STIM2: variants seen among roughly 807,000 people sequenced by gnomAD.
STIM2 encodes stromal interaction molecule 2.
A neutral mutation model predicts 85.8 loss-of-function variants in STIM2; 31 were observed. The ratio of observed to expected loss-of-function variants is 0.36; its 90% CI spans 0.27 to 0.49. The LOEUF (loss-of-function observed/expected upper bound fraction) is 0.49. STIM2 is among the 20% of genes least tolerant of loss of function. The pLI is 0.98. For synonymous variants in STIM2, 356 were observed against 331.1 expected, an observed-to-expected ratio of 1.08 and a Z score of -0.82; for missense variants, 841 against 927.6, an observed-to-expected ratio of 0.91 and a Z score of 1.21.
At chr4:26,976,614 C>T (rs1400054392) in intron 3 of STIM2, among the ~76,000 whole-genome samples, 1 of 151,898 alleles carries the variant, frequency 6.6e-6, no homozygotes, top group East Asian at 1.9e-4. Flanking sequence ...TTGAGACCAG[C>T]CTGGCCAACA....
chr4:27,000,100 A>G (rs1277637657), intron 5 of STIM2, among the ~76,000 whole-genome samples: 1 of 152,020 alleles, frequency 6.6e-6, no homozygotes, highest in Admixed American at 6.6e-5. Context: ...TACAAGAAAA[A>G]TGCCTTCCAC....
chr4:26,904,344 T>G (rs1724043946), intron 1 of STIM2, among the ~76,000 whole-genome samples: 1 of 152,132 alleles, frequency 6.6e-6, no homozygotes. Flanking sequence ...ATGTATATAC[T>G]CATGAAGCCA....
chr4:27,023,320 C>G lies in STIM2; in HGVS notation c.*324C>G, dbSNP rs1009693348. ...TTTGTTGAAAGCCACGATGGACTTACAAGCTTTAATGGACTCGTAAGCCAG... is the reference window on the plus strand; with the variant it reads ...TTTGTTGAAAGCCACGATGGACTTAGAAGCTTTAATGGACTCGTAAGCCAG... On this transcript the variant is annotated 3_prime_UTR_variant, in exon 12 of 12. Transcript: ENST00000467087. 3.8e-5 allele frequency: 10 copies of G among 264,456 alleles called. No individual in the cohort carries two copies. The highest frequency in any genetic ancestry group is 3.4e-4 in the Admixed American group (7 of 20,498). The allele number at this position is 264,456 out of a possible 1,614,324, so 16.4% of individuals were successfully genotyped here.
chr4:26,911,275 TAAA>T (rs546631682), intron 1 of STIM2, among the ~76,000 whole-genome samples: 4 of 151,538 alleles, frequency 2.6e-5, no homozygotes, highest in Admixed American at 2.0e-4. Context: ...TGAAATAAAA[TAAA>T]AAAAATGAAA....
chr4:27,006,459 G>A (rs547749352), intron 7 of STIM2, among the ~76,000 whole-genome samples: 11 of 152,244 alleles, frequency 7.2e-5, no homozygotes, highest in African/African-American at 2.4e-4. Flanking sequence ...GGTGGTGCTC[G>A]ACACGCAGGA....
intron 1 of STIM2, among the ~76,000 whole-genome samples, chr4:26,902,388 A>G (rs1460226861): frequency 6.6e-6 from 1 of 152,182 alleles, no homozygotes; most frequent in Non-Finnish European, 1.5e-5. Flanking sequence ...ATTACCTTCA[A>G]ATTACTGATC....
intron 3 of STIM2, among the ~76,000 whole-genome samples, chr4:26,979,235 A>G (rs2109111939): frequency 6.6e-6 from 1 of 152,302 alleles, no homozygotes; most frequent in East Asian, 1.9e-4. Flanking sequence ...AAGATGAAAC[A>G]TAGGTATTTT....
intron 1 of STIM2, among the ~76,000 whole-genome samples, chr4:26,890,253 G>A (rs1723413842): frequency 6.6e-6 from 1 of 152,148 alleles, no homozygotes. Context: ...TCATAGGTGT[G>A]GGCTGGGAGA....
chr4:27,007,865 T>A, intron 8 of STIM2, 165 bp downstream of exon 8: 1 of 770,452 alleles, frequency 1.3e-6, no homozygotes, highest in South Asian at 1.8e-5. Context: ...TCATAAGCTT[T>A]AAATTAAAAT....
In STIM2 at chr4:27,008,839, C is replaced by T; in HGVS notation, c.1326C>T (p.Gly442=). Reference sequence around the variant, plus strand: ...GGCAACAAATTGAGAAGATCTGTGGCTTTCAGATAGCCCATAACTCAGGAC... The same window carrying T: ...GGCAACAAATTGAGAAGATCTGTGGTTTTCAGATAGCCCATAACTCAGGAC... Residue 442 remains glycine, a synonymous_variant, in exon 10 of 12, where the codon GGC becomes GGT. Transcript: ENST00000467087. The T allele has an allele frequency of 3.1e-6, 5 of 1,614,120 alleles. No homozygotes were observed. Among genetic ancestry groups the T allele is most frequent in the African/African-American group, 1.3e-5 (1 of 75,024 alleles).
chr4:27,020,264 A>G (rs1013048704), intron 11 of STIM2, among the ~76,000 whole-genome samples: 13 of 152,240 alleles, frequency 8.5e-5, no homozygotes, highest in Non-Finnish European at 1.6e-4. Context: ...TAAAATTATA[A>G]CTGAATCAGC....
In STIM2 at chr4:26,861,246, G is replaced by A; in HGVS notation, c.28G>A (p.Gly10Arg). 2 of 1,487,366 alleles carry A rather than the reference G, an allele frequency of 1.3e-6. No homozygotes were observed. Among genetic ancestry groups the A allele is most frequent in the Non-Finnish European group, 1.8e-6 (2 of 1,125,574 alleles). The allele number at this position is 1,487,366 out of a possible 1,614,324, so 92.1% of individuals were successfully genotyped here. A position where few individuals can be genotyped will look rare whatever the true frequency, so the allele number is the denominator to read the frequency against. Residue 10 changes from glycine to arginine, a missense_variant, in exon 1 of 12, where the codon GGA becomes AGA. Transcript: ENST00000467087. Reference sequence around the variant, plus strand: ...GCTGGTGCTCGGGCTGCTGGTAGCCGGAGCGGCGGACGGATGCGAGCTTGT... The same window carrying A: ...GCTGGTGCTCGGGCTGCTGGTAGCCAGAGCGGCGGACGGATGCGAGCTTGT...
intron 3 of STIM2, 54 bp from the exon 4 acceptor site, chr4:26,995,325 T>C (rs1727915120): frequency 5.6e-6 from 5 of 895,346 alleles, no homozygotes; most frequent in Non-Finnish European, 8.4e-6. Context: ...ATAGAATATG[T>C]ATTTCTGAAA....
chr4:26,861,298 C>T lies in STIM2; in HGVS notation c.80C>T (p.Ala27Val). 1 of 1,444,922 alleles carries T rather than the reference C, an allele frequency of 6.9e-7. No individual in the cohort carries two copies. The highest frequency in any genetic ancestry group is 2.6e-5 in the Admixed American group (1 of 39,046). The allele number at this position is 1,444,922 out of a possible 1,614,324, so 89.5% of individuals were successfully genotyped here. Residue 27 changes from alanine to valine, a missense_variant, in exon 1 of 12, where the codon GCG (alanine) becomes GTG (valine). Transcript: ENST00000467087. ...CCCCGGCACCTCCGCGGGCGGCGGG[C>T]GACTGGCTCTGCCGCAACTGCCGCC...
chr4:26,959,426 AT>A (rs932793013), intron 3 of STIM2, among the ~76,000 whole-genome samples: 1 of 149,196 alleles, frequency 6.7e-6, no homozygotes, highest in Non-Finnish European at 1.5e-5. Flanking sequence ...CCTTTTACTC[AT>A]TTTTTTTTCT....
chr4:26,985,126 CTG>C (rs1208812338), intron 3 of STIM2, among the ~76,000 whole-genome samples: 2 of 152,172 alleles, frequency 1.3e-5, no homozygotes, highest in Non-Finnish European at 2.9e-5. Flanking sequence ...CCTGTCTTGA[CTG>C]TGCTGAGCAG....
rs1723205710 is a variant in STIM2, at chr4:26,885,839, A to ATG, written c.151+24471_151+24472insGT. Among the ~76,000 whole-genome samples, 9 of 23,194 alleles carry ATG rather than the reference A, an allele frequency of 3.9e-4. No individual in the cohort carries two copies. The East Asian group carries it at 7.2e-3, about 19-fold the overall frequency. The allele number at this position is 23,194 out of a possible 152,430, so 15.2% of individuals were successfully genotyped here. A position where few individuals can be genotyped will look rare whatever the true frequency, so the allele number is the denominator to read the frequency against. On this transcript the variant is annotated intron_variant, in intron 1 of 11. Transcript: ENST00000467087. Reference sequence around the variant, plus strand: ...CCTCAGGTTATATATATATATATATATATATATATATATATATATATATAT... The same window carrying ATG: ...CCTCAGGTTATATATATATATATATATGTATATATATATATATATATATATAT...
intron 1 of STIM2, among the ~76,000 whole-genome samples, chr4:26,891,135 G>A (rs1723460930): frequency 6.6e-6 from 1 of 152,176 alleles, no homozygotes; most frequent in South Asian, 2.1e-4. Flanking sequence ...TGTCAACTTG[G>A]CTGGTCTGTG....
intron 2 of STIM2, among the ~76,000 whole-genome samples, chr4:26,929,589 A>T (rs1057204017): frequency 2.6e-5 from 4 of 152,170 alleles, no homozygotes; most frequent in Non-Finnish European, 4.4e-5. Flanking sequence ...AAAAAAATTC[A>T]GAAAAGTATT....
Sources: allele counts gnomAD v4.1 joint callset (sites outside exome capture counted in the v4.1 genomes callset), GRCh38; gene constraint gnomAD v4.1.1; transcripts MANE v1.5; gene names NCBI Gene and HGNC (gene_info 2026-07-23, HGNC 2026-07-21).